The following YARS1 variants were observed in gnomAD, a reference collection of about 807,000 sequenced individuals.
YARS1 encodes the protein tyrosyl-tRNA synthetase 1.
Under a neutral mutation model 62.2 loss-of-function variants are expected in YARS1, and 36 were observed. The observed-to-expected ratio is 0.58, with a 90% CI of 0.44 to 0.76. YARS1 has a LOEUF of 0.76. Ranked by LOEUF, YARS1 falls within the 30% of genes least tolerant of loss-of-function variation. The pLI, the probability that YARS1 is intolerant of heterozygous loss-of-function variation, is 0.00. For missense variants in YARS1, 524 were observed against 639.8 expected (o/e 0.82, Z 1.95); for synonymous variants, 234 against 244.9 (o/e 0.96, Z 0.42).
At position 32,791,158 on chromosome 1, in the gene YARS1, T is replaced by G; in HGVS notation, c.684+4A>C. ...CTAAATTCAAGTCTCAGCTGGCAAC[T>G]TACCTCTTCTGAAGAGCTCATTTTG... On this transcript the variant is annotated splice_donor_region_variant and intron_variant, in intron 6 of 12. Transcript: ENST00000373477. The G allele has an allele frequency of 6.2e-7, 1 of 1,613,604 alleles. No individual in the cohort carries two copies. The highest frequency in any genetic ancestry group is 8.5e-7 in the Non-Finnish European group (1 of 1,179,546).
Position 32,776,164 on chromosome 1 carries a change from G to T in YARS1, c.1477-73C>A, listed in dbSNP as rs560089591. On this transcript the variant is annotated intron_variant, in intron 12 of 12. Transcript: ENST00000373477. This position sits in a 1 kb window ranked among gnomAD's most constrained non-coding sequence, Gnocchi z 4.0. ...AAGAAAACCCCCCCTTTTTTGGAGG[G>T]GGGGCAGAGTTTTGCTCTTGTTGCC... 2.4e-5 allele frequency: 32 copies of T among 1,308,066 alleles called. No homozygotes were observed. Among genetic ancestry groups the T allele is most frequent in the African/African-American group, 2.3e-4 (16 of 68,544 alleles). 81.0% of individuals were successfully genotyped at this position (1,308,066 alleles called of 1,614,324 possible). A position where few individuals can be genotyped will look rare whatever the true frequency, so the allele number is the denominator to read the frequency against.
At chr1:32,784,702 A>G (rs1653164413) in intron 8 of YARS1, among the ~76,000 whole-genome samples, 1 of 152,138 alleles carries the variant, frequency 6.6e-6, no homozygotes, top group African/African-American at 2.4e-5. Flanking sequence ...ATATTCACAT[A>G]TATATTTTCA....
chr1:32,804,516 C>T (rs549914582), intron 4 of YARS1, among the ~76,000 whole-genome samples: 2 of 149,242 alleles, frequency 1.3e-5, no homozygotes, highest in African/African-American at 5.0e-5. Flanking sequence ...ACTTCTCAGA[C>T]GGGGCGGCTG....
In YARS1 at chr1:32,791,411, C is replaced by A. The variant is rs147623008; in HGVS notation, c.592-157G>T. ...GCTTTGACAGTGACTGTAATTCAAG[C>A]GAAGTTTTTTTCCCTACTGCTTTTC... On this transcript the variant is annotated intron_variant, in intron 5 of 12. Transcript: ENST00000373477. 5.3e-5 allele frequency among the ~76,000 whole-genome samples: 8 copies of A among 152,222 alleles called. No homozygotes were observed. The East Asian group carries it at 1.5e-3, about 29-fold the overall frequency.
At chr1:32,804,985 C>T (rs990365175) in intron 4 of YARS1, among the ~76,000 whole-genome samples, 1 of 152,182 alleles carries the variant, frequency 6.6e-6, no homozygotes, top group Non-Finnish European at 1.5e-5. Context: ...AATCCCGGCA[C>T]CTCGGGACGC....
chr1:32,779,646 G>T, intron 11 of YARS1, 123 bp from the exon 12 acceptor site: 1 of 1,261,218 alleles, frequency 7.9e-7, no homozygotes, highest in Non-Finnish European at 1.1e-6. Context: ...CTCAGTACCA[G>T]AGCCCCAGGA....
At chr1:32,789,341 A>G (rs1223746579) in intron 6 of YARS1, among the ~76,000 whole-genome samples, 5 of 152,208 alleles carry the variant, frequency 3.3e-5, no homozygotes, top group East Asian at 1.9e-4. Flanking sequence ...CCTAATCAAC[A>G]TTGCTGTCGA....
chr1:32,811,257 C>T (rs1205239637), intron 1 of YARS1, 200 bp from the exon 2 acceptor site: 1 of 790,356 alleles, frequency 1.3e-6, no homozygotes, highest in African/African-American at 1.7e-5. Flanking sequence ...CTGAGAGAGC[C>T]AGACAAACTC....
intron 6 of YARS1, among the ~76,000 whole-genome samples, chr1:32,789,144 C>T (rs992073885): frequency 6.6e-6 from 1 of 152,154 alleles, no homozygotes; most frequent in Non-Finnish European, 1.5e-5. Context: ...GTTTTTATGC[C>T]ATATTATATT....
chr1:32,808,410 G>A (rs1022708168), intron 3 of YARS1, among the ~76,000 whole-genome samples: 13 of 151,472 alleles, frequency 8.6e-5, no homozygotes, highest in African/African-American at 3.1e-4. Context: ...GTAGAGATGG[G>A]GTTTCACCAT....
At chr1:32,808,992 T>C (rs747418866) in intron 3 of YARS1, among the ~76,000 whole-genome samples, 1 of 152,220 alleles carries the variant, frequency 6.6e-6, no homozygotes, top group African/African-American at 2.4e-5. Context: ...TAAAGATCTG[T>C]AGATTAAGTG....
At chr1:32,816,814 T>C (rs2148620431) in intron 1 of YARS1, 1 of 371,470 alleles carries the variant, frequency 2.7e-6, no homozygotes, top group South Asian at 3.0e-5. Context: ...CAGTACTTAC[T>C]TGAACCGTAA....
intron 8 of YARS1, among the ~76,000 whole-genome samples, chr1:32,784,139 C>T (rs10914613): frequency 0.036 from 5,408 of 151,526 alleles, 302 homozygotes; most frequent in African/African-American, 0.12. Context: ...CCAGTAGCTG[C>T]GACTACAGGC....
In YARS1 at chr1:32,786,460, G is replaced by A. The variant is rs779567178; in HGVS notation, c.821-13C>T. On this transcript the variant is annotated splice_polypyrimidine_tract_variant and intron_variant, in intron 7 of 12. Transcript: ENST00000373477. ...AGGATCACAAACTCTATAAGGAAAA[G>A]GATCCATGTCAACAAACTCATTGAC... 1 of 1,611,246 alleles carries A rather than the reference G, an allele frequency of 6.2e-7. No individual in the cohort carries two copies. Among genetic ancestry groups the A allele is most frequent in the Admixed American group, 1.7e-5 (1 of 59,880 alleles).
chr1:32,786,771 A>G, intron 7 of YARS1, 169 bp downstream of exon 7: 1 of 999,566 alleles, frequency 1.0e-6, no homozygotes, highest in South Asian at 1.7e-5. Context: ...ATATATGGAC[A>G]ATTAAATTAC....
chr1:32,779,691 C>T, intron 11 of YARS1, 168 bp from the exon 12 acceptor site: 2 of 850,574 alleles, frequency 2.4e-6, no homozygotes, highest in Non-Finnish European at 3.7e-6. Context: ...TGCATATCAC[C>T]AGGGTTACAT....
intron 4 of YARS1, among the ~76,000 whole-genome samples, chr1:32,804,306 A>T (rs901793492): frequency 6.6e-6 from 1 of 151,898 alleles, no homozygotes; most frequent in Non-Finnish European, 1.5e-5. Flanking sequence ...CACTTCCCAG[A>T]CGGGGCGGCC....
At chr1:32,781,516 C>A in intron 9 of YARS1, 1 of 222,294 alleles carries the variant, frequency 4.5e-6, no homozygotes, top group Non-Finnish European at 9.0e-6. Flanking sequence ...CCCAGGACTT[C>A]AAGACCAGGC....
In YARS1 at chr1:32,776,692, C is replaced by T. The variant is rs1028310958; in HGVS notation, c.1477-601G>A. ...ATAAGAGTTTAGTTAGATTGCCGGG[C>T]GTGGTGGCTCACACCTATAATCCCA... On this transcript the variant is annotated intron_variant, in intron 12 of 12. Coordinates refer to ENST00000373477, the MANE Select transcript of YARS1 (RefSeq NM_003680.4). The surrounding 1 kb of genome is among the most constrained non-coding windows in gnomAD (Gnocchi z 4.0). Among the ~76,000 whole-genome samples the T allele has an allele frequency of 3.9e-5, 6 of 152,084 alleles. No homozygotes were observed. The highest frequency in any genetic ancestry group is 2.1e-4 in the South Asian group (1 of 4,820).
Sources: allele counts gnomAD v4.1 joint callset (sites outside exome capture counted in the v4.1 genomes callset), GRCh38; gene constraint gnomAD v4.1.1; non-coding constraint Gnocchi (gnomAD v3.1); transcripts MANE v1.5; gene names NCBI Gene and HGNC (gene_info 2026-07-23, HGNC 2026-07-21).